The following DTNA variants were observed in gnomAD, a reference collection of about 807,000 sequenced individuals.
DTNA encodes dystrobrevin alpha.
A neutral mutation model predicts 100.7 loss-of-function variants in DTNA; 43 were observed. The observed-to-expected ratio is 0.43, with a 90% CI of 0.33 to 0.55. DTNA has a LOEUF of 0.55. Ranked by LOEUF, DTNA falls within the 20% of genes least tolerant of loss-of-function variation. The pLI is 0.04. For synonymous variants in DTNA, 349 were observed against 347.9 expected (o/e 1.00, Z -0.04); for missense variants, 798 against 953.9 (o/e 0.84, Z 2.15).
At chr18:34,521,737 A>C (rs2042168719) in intron 1 of DTNA, among the ~76,000 whole-genome samples, 1 of 152,134 alleles carries the variant, frequency 6.6e-6, no homozygotes, top group Non-Finnish European at 1.5e-5. Flanking sequence ...CGCTTCACAC[A>C]GGTCTCTGTT....
intron 1 of DTNA, among the ~76,000 whole-genome samples, chr18:34,502,298 CT>C (rs2040010718): frequency 6.6e-6 from 1 of 152,122 alleles, no homozygotes; most frequent in Admixed American, 6.5e-5. Flanking sequence ...ATTTTATTCA[CT>C]TTTAAAAGAA....
At position 34,882,171 on chromosome 18, in the gene DTNA, G is replaced by A. The variant is rs1603352070; in HGVS notation, c.2265G>A (p.Leu755=). 2 of 1,613,850 alleles carry A rather than the reference G, an allele frequency of 1.2e-6. No homozygotes were observed. Among genetic ancestry groups the A allele is most frequent in the Non-Finnish European group, 1.7e-6 (2 of 1,179,984 alleles). ...LENELQMEEY[L]KQKLQDEAYQ... is the part of the protein sequence containing the mutation. Reference sequence around the variant, plus strand: ...ATGAGCTCCAGATGGAGGAATACCTGAAACAGAAGCTGCAAGATGAAGCTT... The same window carrying A: ...ATGAGCTCCAGATGGAGGAATACCTAAAACAGAAGCTGCAAGATGAAGCTT... The change falls in exon 21 of 23, where the codon CTG becomes CTA. Residue 755 remains leucine (L), a synonymous_variant. Coordinates refer to ENST00000444659, the MANE Select transcript of DTNA (RefSeq NM_001386795.1).
At chr18:34,587,796 T>A (rs961195314) in intron 1 of DTNA, among the ~76,000 whole-genome samples, 1 of 152,174 alleles carries the variant, frequency 6.6e-6, no homozygotes, top group Non-Finnish European at 1.5e-5. Flanking sequence ...AGCATACATA[T>A]AACTTTAAAA....
chr18:34,827,589 T>G lies in DTNA; in HGVS notation c.1002-4T>G, dbSNP rs1455929736. Reference sequence around the variant, plus strand: ...CTTTCCATTCACCCTGTGTTTTGTTTTAGGCCTCCCAGACCTGTAACCAGC... The same window carrying G: ...CTTTCCATTCACCCTGTGTTTTGTTGTAGGCCTCCCAGACCTGTAACCAGC... On this transcript the variant is annotated splice_polypyrimidine_tract_variant and splice_region_variant and intron_variant, in intron 9 of 22. Transcript: ENST00000444659. The G allele has an allele frequency of 6.2e-7, 1 of 1,613,882 alleles. No homozygotes were observed. The highest frequency in any genetic ancestry group is 2.2e-5 in the East Asian group (1 of 44,876).
At chr18:34,806,326 G>A in intron 5 of DTNA, 22 bp downstream of exon 5, 1 of 1,609,118 alleles carries the variant, frequency 6.2e-7, no homozygotes, top group Non-Finnish European at 8.5e-7. Context: ...TTCCTTGTGT[G>A]TCTGTTTGCT....
intron 3 of DTNA, among the ~76,000 whole-genome samples, chr18:34,787,509 C>T (rs1480438404): frequency 1.2e-4 from 19 of 152,132 alleles, no homozygotes; most frequent in Admixed American, 1.2e-3. Flanking sequence ...TTTTCTCCCC[C>T]ATATTTTATC....
chr18:34,888,731 C>G lies in DTNA; in HGVS notation c.*997C>G, dbSNP rs1257079353. The G allele has an allele frequency of 1.0e-6, 1 of 985,712 alleles. No individual in the cohort carries two copies. The highest frequency in any genetic ancestry group is 1.7e-5 in the African/African-American group (1 of 57,222). 61.1% of individuals were successfully genotyped at this position (985,712 alleles called of 1,614,324 possible). ...TCTCTGCTCTTCCATGGTCTTGTTC[C>G]TCTCGTTTTGGCTTTAGGAAGCATG... is the stretch of plus-strand genomic sequence containing the variant. On this transcript the variant is annotated 3_prime_UTR_variant, in exon 23 of 23. Transcript: ENST00000444659.
At chr18:34,881,033 G>A (rs1167745908) in intron 20 of DTNA, among the ~76,000 whole-genome samples, 1 of 152,158 alleles carries the variant, frequency 6.6e-6, no homozygotes, top group East Asian at 1.9e-4. Flanking sequence ...GGTATGCTGA[G>A]TAGCAGTACC....
At chr18:34,544,431 C>A (rs2044559356) in intron 1 of DTNA, among the ~76,000 whole-genome samples, 1 of 152,030 alleles carries the variant, frequency 6.6e-6, no homozygotes, top group Non-Finnish European at 1.5e-5. Context: ...ATGCAATGCT[C>A]AACAAACTCA....
intron 3 of DTNA, among the ~76,000 whole-genome samples, chr18:34,779,869 G>A (rs964170896): frequency 6.6e-6 from 1 of 152,114 alleles, no homozygotes; most frequent in African/African-American, 2.4e-5. Context: ...TACAAATTTA[G>A]TAATAGAATA....
intron 14 of DTNA, among the ~76,000 whole-genome samples, chr18:34,849,162 C>T (rs1300233539): frequency 2.6e-5 from 4 of 152,028 alleles, no homozygotes; most frequent in Non-Finnish European, 5.9e-5. Context: ...CAAAATCAGA[C>T]ATGATAAAAC....
chr18:34,666,858 T>C (rs1207448198), intron 1 of DTNA, among the ~76,000 whole-genome samples: 1 of 152,220 alleles, frequency 6.6e-6, no homozygotes, highest in South Asian at 2.1e-4. Context: ...GGTAGTGTGA[T>C]GCCTCCAGCT....
chr18:34,538,012 G>A (rs2461351), intron 1 of DTNA, among the ~76,000 whole-genome samples: 137,030 of 152,040 alleles, frequency 0.9, 61,772 homozygotes, highest in Middle Eastern at 0.95. Context: ...TTAAAAATAA[G>A]TGTAAGAAAT....
chr18:34,744,476 T>G (rs968161758), intron 1 of DTNA, among the ~76,000 whole-genome samples: 4 of 152,112 alleles, frequency 2.6e-5, no homozygotes, highest in African/African-American at 9.7e-5. Context: ...ATCATGAGGC[T>G]TTCTGTCTAC....
chr18:34,860,949 TATC>T (rs1228790613), intron 16 of DTNA, among the ~76,000 whole-genome samples: 4 of 152,196 alleles, frequency 2.6e-5, no homozygotes, highest in Non-Finnish European at 5.9e-5. Context: ...AAGTTGCAGA[TATC>T]ATACCTTTCA....
At position 34,771,186 on chromosome 18, in the gene DTNA, T is replaced by C. The variant is rs185986581; in HGVS notation, c.148+5145T>C. On this transcript the variant is annotated intron_variant, in intron 3 of 22. Transcript: ENST00000444659. The stretch of plus-strand genomic sequence containing the variant: ...GTCCCTTGGTCCACAAAAAGAATGT[T>C]GACCAATCCCTGCTATAAAAGACAC... Among the ~76,000 whole-genome samples the C allele has an allele frequency of 2.3e-3, 345 of 152,260 alleles. 3 individuals are homozygous for C. The highest frequency in any genetic ancestry group is 4.2e-3 in the Non-Finnish European group (283 of 68,010).
At chr18:34,881,145 G>A (rs28674827) in intron 20 of DTNA, among the ~76,000 whole-genome samples, 2,022 of 152,258 alleles carry the variant, frequency 0.013, 43 homozygotes, top group African/African-American at 0.046. Context: ...ACCAGAACAT[G>A]TTGTACAGCT....
intron 1 of DTNA, among the ~76,000 whole-genome samples, chr18:34,534,098 G>T (rs2145579395): frequency 6.6e-6 from 1 of 152,220 alleles, no homozygotes; most frequent in African/African-American, 2.4e-5. Flanking sequence ...TGTAATCCCA[G>T]CACTTTGGGA....
At chr18:34,530,320 T>G (rs1295277726) in intron 1 of DTNA, among the ~76,000 whole-genome samples, 1 of 152,128 alleles carries the variant, frequency 6.6e-6, no homozygotes, top group Non-Finnish European at 1.5e-5. Context: ...CCTTTTACTC[T>G]TAGTCCTCTC....
Sources: allele counts gnomAD v4.1 joint callset (sites outside exome capture counted in the v4.1 genomes callset), GRCh38; gene constraint gnomAD v4.1.1; transcripts MANE v1.5; gene names NCBI Gene and HGNC (gene_info 2026-07-23, HGNC 2026-07-21).